PREX2: variants seen among roughly 807,000 people sequenced by gnomAD.
The protein encoded by PREX2 is phosphatidylinositol-3,4,5-trisphosphate dependent Rac exchange factor 2.
PREX2 carries 107 observed loss-of-function variants against 203.2 expected under a neutral mutation model. The ratio of observed to expected loss-of-function variants is 0.53; its 90% CI spans 0.45 to 0.62. The LOEUF (loss-of-function observed/expected upper bound fraction) is 0.62, where lower values mean the gene tolerates loss of function less well. Ranked by LOEUF, PREX2 falls within the 20% of genes least tolerant of loss-of-function variation. PREX2 has a pLI of 0.00. For synonymous variants in PREX2, 672 were observed against 663.6 expected, an observed-to-expected ratio of 1.01 and a Z score of -0.19; for missense variants, 1,777 against 1,955.9, an observed-to-expected ratio of 0.91 and a Z score of 1.72.
chr8:67,968,461 T>G (rs952597204), intron 1 of PREX2, among the ~76,000 whole-genome samples: 4 of 152,210 alleles, frequency 2.6e-5, no homozygotes, highest in African/African-American at 9.6e-5. Context: ...AATAGCTTTA[T>G]TACCATCATC....
intron 2 of PREX2, among the ~76,000 whole-genome samples, chr8:68,019,181 AC>A (rs990565052): frequency 3.3e-5 from 5 of 152,296 alleles, no homozygotes; most frequent in Admixed American, 3.3e-4. Flanking sequence ...TACATGTGGC[AC>A]CTTCCAGAGG....
intron 32 of PREX2, among the ~76,000 whole-genome samples, chr8:68,136,248 A>G (rs919018385): frequency 6.6e-6 from 1 of 150,418 alleles, no homozygotes. Flanking sequence ...TTATATCTCA[A>G]TGAAGCGGTG....
chr8:68,066,902 A>G (rs1198554820), intron 11 of PREX2, among the ~76,000 whole-genome samples: 1 of 151,904 alleles, frequency 6.6e-6, no homozygotes, highest in Admixed American at 6.6e-5. Context: ...GTTTATTTTT[A>G]TATGTGGTGT....
At chr8:68,091,954 A>T (rs988748222) in intron 20 of PREX2, among the ~76,000 whole-genome samples, 1 of 152,180 alleles carries the variant, frequency 6.6e-6, no homozygotes, top group African/African-American at 2.4e-5. Context: ...GCTTAAAACA[A>T]TGATAATTGA....
chr8:67,985,152 T>C (rs957039625), intron 1 of PREX2, among the ~76,000 whole-genome samples: 1 of 152,218 alleles, frequency 6.6e-6, no homozygotes, highest in African/African-American at 2.4e-5. Context: ...CTTCCTATGT[T>C]GATTTCCTAA....
intron 35 of PREX2, among the ~76,000 whole-genome samples, chr8:68,182,763 A>G (rs1445315234): frequency 6.6e-6 from 1 of 151,938 alleles, no homozygotes; most frequent in African/African-American, 2.4e-5. Flanking sequence ...TTGCAAATTT[A>G]AAAAATGGGT....
intron 30 of PREX2, among the ~76,000 whole-genome samples, chr8:68,124,012 C>G (rs1810837545): frequency 6.6e-6 from 1 of 152,072 alleles, no homozygotes; most frequent in South Asian, 2.1e-4. Context: ...ATGCAGAAAT[C>G]TTCAACAAAA....
chr8:68,199,728 C>T (rs1315465493), intron 37 of PREX2, among the ~76,000 whole-genome samples: 16 of 152,124 alleles, frequency 1.1e-4, no homozygotes, highest in Admixed American at 3.3e-4. Flanking sequence ...ATTTAAAAAC[C>T]CACTTTTGTT....
Position 68,109,073 on chromosome 8 carries a change from A to G in PREX2, c.2939-343A>G, listed in dbSNP as rs535885856. The G allele has an allele frequency of 8.4e-4, 364 of 434,158 alleles. 1 individual carries two copies. The highest frequency in any genetic ancestry group is 1.3e-3 in the Non-Finnish European group (298 of 224,018). The allele number at this position is 434,158 out of a possible 1,614,324, so 26.9% of individuals were successfully genotyped here. On this transcript the variant is annotated intron_variant, in intron 24 of 39. Coordinates refer to ENST00000288368, the MANE Select transcript of PREX2 (RefSeq NM_024870.4). ...GTTGGGTGGGGGATTGAGAAGATGA[A>G]GGTCAAAGGATATAAAATTTCAATC...
intron 35 of PREX2, among the ~76,000 whole-genome samples, chr8:68,182,558 CTG>C (rs1812105442): frequency 6.6e-6 from 1 of 151,994 alleles, no homozygotes; most frequent in African/African-American, 2.4e-5. Context: ...ATGATTTAAT[CTG>C]TCTTTAAAAT....
intron 34 of PREX2, among the ~76,000 whole-genome samples, chr8:68,156,862 G>A (rs1389861694): frequency 1.3e-5 from 2 of 152,136 alleles, no homozygotes; most frequent in African/African-American, 2.4e-5. Flanking sequence ...ACAAGTAGAG[G>A]TTTCCTTTAT....
intron 5 of PREX2, among the ~76,000 whole-genome samples, chr8:68,029,345 CATAGAGG>C (rs1287687646): frequency 1.2e-4 from 19 of 152,034 alleles, no homozygotes; most frequent in Non-Finnish European, 2.6e-4. Context: ...GACCACTTGA[CATAGAGG>C]CACCTGTGGT....
rs1813229722 is a variant in PREX2, at chr8:68,234,524, T to C, written c.*3146T>C. 6.6e-6 allele frequency: 1 copy of C among 152,204 alleles called. No individual in the cohort carries two copies. The highest frequency in any genetic ancestry group is 1.5e-5 in the Non-Finnish European group (1 of 68,036). The allele number at this position is 152,204 out of a possible 1,614,324, so 9.4% of individuals were successfully genotyped here. Reference sequence around the variant, plus strand: ...AATATTAATTCCAAATATTACAAAATTTAATGTGATATTAAAGTATGAAAA... The same window carrying C: ...AATATTAATTCCAAATATTACAAAACTTAATGTGATATTAAAGTATGAAAA... On this transcript the variant is annotated 3_prime_UTR_variant, in exon 40 of 40. Coordinates refer to ENST00000288368, the MANE Select transcript of PREX2 (RefSeq NM_024870.4).
intron 30 of PREX2, among the ~76,000 whole-genome samples, chr8:68,126,452 A>G (rs1431949916): frequency 6.6e-6 from 1 of 152,066 alleles, no homozygotes; most frequent in East Asian, 1.9e-4. Flanking sequence ...TAAAGCCACA[A>G]AGCTAGTATA....
intron 34 of PREX2, among the ~76,000 whole-genome samples, chr8:68,152,903 T>C (rs1328358272): frequency 6.6e-6 from 1 of 152,210 alleles, no homozygotes; most frequent in African/African-American, 2.4e-5. Flanking sequence ...TCAGCCCCTT[T>C]AGCTTCACTT....
At chr8:68,043,273 C>T (rs1048435599) in intron 7 of PREX2, among the ~76,000 whole-genome samples, 1 of 152,062 alleles carries the variant, frequency 6.6e-6, no homozygotes, top group South Asian at 2.1e-4. Flanking sequence ...TGATGAAGGT[C>T]TGGGGCTGAC....
chr8:67,963,483 C>A (rs1805687833), intron 1 of PREX2, among the ~76,000 whole-genome samples: 2 of 152,140 alleles, frequency 1.3e-5, no homozygotes, highest in Non-Finnish European at 2.9e-5. Flanking sequence ...TTGACTTATG[C>A]AAATCATTAA....
intron 21 of PREX2, among the ~76,000 whole-genome samples, chr8:68,095,401 T>C (rs1810029163): frequency 2.0e-5 from 3 of 152,078 alleles, no homozygotes; most frequent in Admixed American, 6.6e-5. Flanking sequence ...TCCGTTATGT[T>C]CTAAAGGGGC....
chr8:68,029,609 ATTCTT>A (rs1807821869), intron 5 of PREX2, among the ~76,000 whole-genome samples: 1 of 152,140 alleles, frequency 6.6e-6, no homozygotes, highest in Non-Finnish European at 1.5e-5. Context: ...AATTTAGAAA[ATTCTT>A]TTCAAGACTT....
Sources: gnomAD v4.1 joint callset for allele counts (sites outside exome capture counted in the v4.1 genomes callset) on GRCh38, gnomAD v4.1.1 for gene constraint, MANE v1.5 for transcripts, NCBI Gene and HGNC (gene_info 2026-07-23, HGNC 2026-07-21) for gene names.